TMEM67: variants seen among roughly 807,000 people sequenced by gnomAD.
The protein encoded by TMEM67 is transmembrane protein 67.
TMEM67 carries 124 observed loss-of-function variants against 136.6 expected under a neutral mutation model. That is an observed-to-expected ratio of 0.91 (90% CI 0.78 to 1.05). The LOEUF (loss-of-function observed/expected upper bound fraction) is 1.05. TMEM67 is among the 50% of genes least tolerant of loss of function. The pLI is 0.00. For synonymous variants in TMEM67, 364 were observed against 390.5 expected (o/e 0.93, Z 0.80); for missense variants, 1,107 against 1,178.4 (o/e 0.94, Z 0.89).
intron 16 of TMEM67, among the ~76,000 whole-genome samples, chr8:93,794,382 A>G (rs1186992543): frequency 6.6e-6 from 1 of 152,212 alleles, no homozygotes; most frequent in African/African-American, 2.4e-5. Context: ...AAAAATATTT[A>G]CCATGTACCA....
At chr8:93,798,941 T>TGTG (rs1563473392) in intron 20 of TMEM67, among the ~76,000 whole-genome samples, 28 of 105,886 alleles carry the variant, frequency 2.6e-4, no homozygotes, top group African/African-American at 1.1e-3. Context: ...TGTACTAAAG[T>TGTG]AGTGTGTGTG....
chr8:93,819,799 AGTT>A (rs1245377383), downstream of TMEM67, among the ~76,000 whole-genome samples: 1 of 152,180 alleles, frequency 6.6e-6, no homozygotes, highest in African/African-American at 2.4e-5. Context: ...ATATTTTAAA[AGTT>A]GTCTGTATAA....
At position 93,765,596 on chromosome 8, in the gene TMEM67, A is replaced by G. The variant is rs771031546; in HGVS notation, c.601A>G (p.Thr201Ala). The change falls in exon 6 of 28, where the codon ACA becomes GCA. Residue 201 changes from threonine to alanine, a missense_variant. Physicochemically the swap from Thr to Ala is moderately conservative, Grantham distance 58. Transcript: ENST00000453321. ...GACAGGGGGATTATGTTTCAGCAGC[A>G]CAGGGAATTTTCCTCTACGTAGAAT... is the stretch of plus-strand genomic sequence containing the variant. ...ILTGGLCFSS[T>A]GNFPLRRISA... 6.2e-7 allele frequency: 1 copy of G among 1,613,278 alleles called. No homozygotes were observed. Among genetic ancestry groups the G allele is most frequent in the Admixed American group, 1.7e-5 (1 of 60,000 alleles).
rs768445794 is a variant in TMEM67, at chr8:93,815,403, C to T, written c.2863C>T (p.Gln955Ter). The stretch of plus-strand genomic sequence containing the variant: ...CTTCTGTGTTGTGGATTTGGCTTGC[C>T]AAAATTTTATTTTAGCATCCTTCCT... ...LFFCVVDLAC[Q>*]NFILASFLTY... Residue 955 changes from glutamine to a stop codon, truncating the protein, a stop_gained, in exon 27 of 28, where the codon CAA becomes TAA. Transcript: ENST00000453321. LOFTEE classifies it high-confidence loss of function. The T allele has an allele frequency of 1.9e-6, 3 of 1,612,896 alleles. No individual in the cohort carries two copies. The South Asian group carries it at 3.3e-5, about 18-fold the overall frequency.
At chr8:93,755,321 G>C (rs947695516) in intron 1 of TMEM67, among the ~76,000 whole-genome samples, 184 bp downstream of exon 1, 2 of 152,124 alleles carry the variant, frequency 1.3e-5, no homozygotes, top group Non-Finnish European at 2.9e-5. Flanking sequence ...CGCCTGGCCC[G>C]AATACATGTA....
intron 2 of TMEM67, among the ~76,000 whole-genome samples, chr8:93,757,748 A>G (rs904756193): frequency 3.2e-4 from 49 of 151,770 alleles, no homozygotes; most frequent in African/African-American, 1.2e-3. Flanking sequence ...AAATTTACCC[A>G]TTTTGAATCA....
At chr8:93,807,210 A>G (rs373188914) in intron 23 of TMEM67, among the ~76,000 whole-genome samples, 46 of 152,256 alleles carry the variant, frequency 3.0e-4, no homozygotes, top group African/African-American at 1.0e-3. Flanking sequence ...GACCTTCTGG[A>G]AAGTGTTTGG....
At position 93,803,576 on chromosome 8, in the gene TMEM67, T is replaced by C. The variant is rs377317975; in HGVS notation, c.2242-28T>C. ...AGAAAATTAAAATCCTAAAAGCTAA[T>C]AAGCATAAACTTGACTTAATGTTTC... On this transcript the variant is annotated intron_variant, in intron 21 of 27. Transcript: ENST00000453321. 3.8e-4 allele frequency: 533 copies of C among 1,394,878 alleles called. No individual in the cohort carries two copies. In the African/African-American group the frequency reaches 7.0e-3, roughly 18 times the overall value. 86.4% of individuals were successfully genotyped at this position (1,394,878 alleles called of 1,614,324 possible). A position where few individuals can be genotyped will look rare whatever the true frequency, so the allele number is the denominator to read the frequency against.
At chr8:93,815,774 G>T (rs1808882099) in intron 27 of TMEM67, among the ~76,000 whole-genome samples, 1 of 152,092 alleles carries the variant, frequency 6.6e-6, no homozygotes, top group African/African-American at 2.4e-5. Context: ...ACCCTCTCCA[G>T]ACGTTAAGTA....
At chr8:93,796,023 G>C (rs768672920) in intron 18 of TMEM67, 36 bp downstream of exon 18, 4 of 1,304,062 alleles carry the variant, frequency 3.1e-6, no homozygotes, top group Non-Finnish European at 4.5e-6. Context: ...AATTTAAAAG[G>C]CCTGCTAATG....
At chr8:93,811,396 A>T (rs1808692496) in intron 26 of TMEM67, 1 of 152,246 alleles carries the variant, frequency 6.6e-6, no homozygotes, top group African/African-American at 2.4e-5. Context: ...GCACTTACAA[A>T]CTTTATAAAG....
intron 16 of TMEM67, 42 bp from the exon 17 acceptor site, chr8:93,795,367 A>G (rs757340221): frequency 7.3e-6 from 11 of 1,505,088 alleles, no homozygotes; most frequent in Non-Finnish European, 1.0e-5. Context: ...TGGTATATAC[A>G]TGGAGTCTTA....
At chr8:93,805,580 CAAA>C (rs370408912) in intron 23 of TMEM67, among the ~76,000 whole-genome samples, 6 of 58,776 alleles carry the variant, frequency 1.0e-4, no homozygotes, top group Admixed American at 3.6e-4. Flanking sequence ...GACTCCGTCT[CAAA>C]AAAAAAAAAA....
intron 3 of TMEM67, chr8:93,758,870 A>T: frequency 6.1e-6 from 2 of 327,964 alleles, no homozygotes; most frequent in South Asian, 9.0e-5. Flanking sequence ...AAGTGCTGGG[A>T]TTATAGGCAT....
intron 14 of TMEM67, among the ~76,000 whole-genome samples, chr8:93,789,951 A>G (rs1814302130): frequency 6.7e-6 from 1 of 150,066 alleles, no homozygotes; most frequent in African/African-American, 2.5e-5. Flanking sequence ...GGTGGCAGGT[A>G]CCTGTAATCC....
At chr8:93,824,019 T>C (rs1809077001), downstream of TMEM67, among the ~76,000 whole-genome samples, 1 of 152,230 alleles carries the variant, frequency 6.6e-6, no homozygotes, top group African/African-American at 2.4e-5. Flanking sequence ...GGGAAAGGTC[T>C]GCTCCTTGCT....
At chr8:93,762,388 G>T (rs535173612) in intron 3 of TMEM67, among the ~76,000 whole-genome samples, 68 of 148,636 alleles carry the variant, frequency 4.6e-4, no homozygotes, top group African/African-American at 1.6e-3. Flanking sequence ...TGGTGATGGG[G>T]GTCTTACTAT....
chr8:93,765,494 A>C lies in TMEM67; in HGVS notation c.576+19A>C, dbSNP rs1400458007. On this transcript the variant is annotated intron_variant, in intron 5 of 27. Transcript: ENST00000453321. ...CATTTTAGTAAGGCTAACCAAATTG[A>C]TAAAGTATATATATTTTTAATTCAG... 13 of 1,607,664 alleles carry C rather than the reference A, an allele frequency of 8.1e-6. No homozygotes were observed. The highest frequency in any genetic ancestry group is 1.0e-5 in the Non-Finnish European group (12 of 1,175,014).
chr8:93,797,596 G>A, intron 20 of TMEM67, 126 bp downstream of exon 20: 1 of 956,666 alleles, frequency 1.0e-6, no homozygotes, highest in African/African-American at 1.7e-5. Context: ...TTGTTGTGAA[G>A]CCATTAAAAA....
Sources: gnomAD v4.1 joint callset for allele counts (sites outside exome capture counted in the v4.1 genomes callset) on GRCh38, gnomAD v4.1.1 for gene constraint, MANE v1.5 for transcripts, NCBI Gene and HGNC (gene_info 2026-07-23, HGNC 2026-07-21) for gene names.